CLVS1: variants seen among roughly 807,000 people sequenced by gnomAD.
The protein encoded by CLVS1 is clavesin 1, also known as clavesin-1.
Under a neutral mutation model 33.1 loss-of-function variants are expected in CLVS1, and 10 were observed. The observed-to-expected ratio is 0.30, with a 90% confidence interval of 0.19 to 0.51. The LOEUF is 0.51. CLVS1 is among the 20% of genes least tolerant of loss of function. The pLI, the probability that CLVS1 is intolerant of heterozygous loss-of-function variation, is 0.97. For synonymous variants in CLVS1, 163 were observed against 166.1 expected (o/e 0.98, Z 0.14); for missense variants, 343 against 433.4 (o/e 0.79, Z 1.85).
chr8:61,430,761 G>A (rs766211650), intron 3 of CLVS1, among the ~76,000 whole-genome samples: 7 of 152,114 alleles, frequency 4.6e-5, no homozygotes, highest in African/African-American at 1.2e-4. Context: ...AAATATGGGC[G>A]CCATTGAAAC....
At chr8:61,330,971 A>T (rs539520956) in intron 2 of CLVS1, among the ~76,000 whole-genome samples, 1 of 151,988 alleles carries the variant, frequency 6.6e-6, no homozygotes, top group South Asian at 2.1e-4. Flanking sequence ...TCCTGTAGCT[A>T]CTCAAGAGGT....
intron 1 of CLVS1, among the ~76,000 whole-genome samples, chr8:61,298,035 C>A (rs1810282247): frequency 6.6e-6 from 1 of 152,106 alleles, no homozygotes; most frequent in Non-Finnish European, 1.5e-5. Context: ...CCTTGTAGTG[C>A]ATAAGTTTGG....
intron 2 of CLVS1, among the ~76,000 whole-genome samples, chr8:61,246,805 T>C (rs1466104906): frequency 1.3e-5 from 2 of 152,180 alleles, no homozygotes; most frequent in African/African-American, 4.8e-5. Context: ...TCTTTCTTTT[T>C]TTAAAAAAAT....
At chr8:61,430,459 CACTT>C (rs1023588228) in intron 3 of CLVS1, among the ~76,000 whole-genome samples, 1 of 152,134 alleles carries the variant, frequency 6.6e-6, no homozygotes, top group Non-Finnish European at 1.5e-5. Flanking sequence ...CCCCCAAGGG[CACTT>C]ACTTGTCTTC....
At chr8:61,118,610 T>G (rs1225888754) in intron 1 of CLVS1, among the ~76,000 whole-genome samples, 1 of 151,646 alleles carries the variant, frequency 6.6e-6, no homozygotes, top group African/African-American at 2.4e-5. Context: ...TCTTTATTTC[T>G]GCCTTCATTT....
chr8:61,469,634 A>G (rs1484171019), intron 5 of CLVS1, among the ~76,000 whole-genome samples: 1 of 152,186 alleles, frequency 6.6e-6, no homozygotes, highest in Non-Finnish European at 1.5e-5. Context: ...CATTTGCTGG[A>G]TAACTACTCA....
At chr8:61,413,602 A>G (rs568727427) in intron 3 of CLVS1, among the ~76,000 whole-genome samples, 3 of 152,348 alleles carry the variant, frequency 2.0e-5, no homozygotes, top group African/African-American at 7.2e-5. Context: ...CATGCAGTTT[A>G]TATAGTATTT....
intron 5 of CLVS1, among the ~76,000 whole-genome samples, chr8:61,483,169 G>T (rs1356550254): frequency 6.6e-6 from 1 of 152,090 alleles, no homozygotes; most frequent in Non-Finnish European, 1.5e-5. Context: ...TTTTTGAAAA[G>T]ATCAACAAAA....
intron 2 of CLVS1, among the ~76,000 whole-genome samples, chr8:61,233,109 G>A (rs1471975603): frequency 6.6e-6 from 1 of 152,132 alleles, no homozygotes; most frequent in African/African-American, 2.4e-5. Context: ...ATGAACATTT[G>A]ACAGTTTGAA....
chr8:61,271,916 C>T (rs966369325), intron 2 of CLVS1, among the ~76,000 whole-genome samples: 45 of 151,622 alleles, frequency 3.0e-4, no homozygotes, highest in South Asian at 1.0e-3. Context: ...TGTCTCTGCA[C>T]GTGAGATGGG....
At chr8:61,053,017 T>C (rs1804412464), upstream of CLVS1, among the ~76,000 whole-genome samples, 2 of 152,150 alleles carry the variant, frequency 1.3e-5, no homozygotes, top group South Asian at 4.1e-4. Flanking sequence ...ACTGATGGCC[T>C]GGATGTGGCA....
chr8:61,008,974 T>G, the CLVS1 span, among the ~76,000 whole-genome samples: 1 of 152,198 alleles, frequency 6.6e-6, no homozygotes. Context: ...TATCTATACC[T>G]AATCTCTTTT....
At chr8:61,175,246 T>C (rs1259635938) in intron 2 of CLVS1, among the ~76,000 whole-genome samples, 1 of 152,154 alleles carries the variant, frequency 6.6e-6, no homozygotes, top group African/African-American at 2.4e-5. Flanking sequence ...GATGAGGTCA[T>C]GAGAATAGAG....
At chr8:61,457,112 T>C (rs888632296) in intron 4 of CLVS1, among the ~76,000 whole-genome samples, 2 of 151,664 alleles carry the variant, frequency 1.3e-5, no homozygotes, top group Non-Finnish European at 2.9e-5. Context: ...TAATTTTGTA[T>C]TTTTAGTAGA....
At chr8:61,303,003 A>G (rs566858954) in intron 2 of CLVS1, among the ~76,000 whole-genome samples, 2 of 152,234 alleles carry the variant, frequency 1.3e-5, no homozygotes, top group East Asian at 1.9e-4. Context: ...CCTTGATCCA[A>G]TCACCTCCCA....
chr8:61,101,831 T>A (rs1442873715), intron 1 of CLVS1, among the ~76,000 whole-genome samples: 1 of 151,786 alleles, frequency 6.6e-6, no homozygotes. Flanking sequence ...ATGTAGATAT[T>A]CAGTTGTTCC....
chr8:61,327,167 C>T (rs1811415423), intron 2 of CLVS1, among the ~76,000 whole-genome samples: 1 of 151,964 alleles, frequency 6.6e-6, no homozygotes, highest in African/African-American at 2.4e-5. Context: ...GGAATAGGGC[C>T]AATTTTTTCT....
intron 2 of CLVS1, among the ~76,000 whole-genome samples, chr8:61,202,005 G>A (rs1015737559): frequency 1.3e-5 from 2 of 152,148 alleles, no homozygotes; most frequent in African/African-American, 2.4e-5. Flanking sequence ...TATTTGACCC[G>A]ATTGGCTAGC....
intron 3 of CLVS1, among the ~76,000 whole-genome samples, chr8:61,386,628 A>G (rs1814096307): frequency 2.6e-5 from 4 of 151,990 alleles, no homozygotes; most frequent in Admixed American, 6.6e-5. Flanking sequence ...TGTTCATGAT[A>G]TAAGTCTAGT....
Sources: allele counts gnomAD v4.1 joint callset (sites outside exome capture counted in the v4.1 genomes callset), GRCh38; gene constraint gnomAD v4.1.1; transcripts MANE v1.5; gene names NCBI Gene and HGNC (gene_info 2026-07-23, HGNC 2026-07-21).